PCDHA4: variants seen among roughly 807,000 people sequenced by gnomAD.
PCDHA4 encodes protocadherin alpha-4.
A neutral mutation model predicts 61.4 loss-of-function variants in PCDHA4; 49 were observed. The ratio of observed to expected loss-of-function variants is 0.80; its 90% CI spans 0.63 to 1.01. The LOEUF (loss-of-function observed/expected upper bound fraction) is 1.01. Ranked by LOEUF, PCDHA4 falls within the 50% of genes least tolerant of loss-of-function variation. PCDHA4 has a pLI of 0.00. For synonymous variants in PCDHA4, 590 were observed against 550.3 expected, an observed-to-expected ratio of 1.07 and a Z score of -1.01; for missense variants, 1,254 against 1,235.8, an observed-to-expected ratio of 1.01 and a Z score of -0.22.
At chr5:140,928,800 A>G (rs782641676) in intron 1 of PCDHA4, 6 of 1,614,098 alleles carry the variant, frequency 3.7e-6, no homozygotes, top group Non-Finnish European at 4.2e-6. Flanking sequence ...GGGTGGTGGT[A>G]GTGGTTCGGG....
chr5:140,807,646 A>T lies in PCDHA4; in HGVS notation c.459A>T (p.Pro153=), dbSNP rs1763995507. Residue 153 remains proline, a synonymous_variant, in exon 1 of 4, where the codon CCA becomes CCT. Coordinates refer to ENST00000530339, the MANE Select transcript of PCDHA4 (RefSeq NM_018907.4). ...CCAGGCCGCTTGACTCTCGGTTTCC[A>T]CTAGAGGGCGCCTCGGATGCAGATA... ...AESRPLDSRF[P]LEGASDADIG... is the part of the protein sequence containing the mutation. 6.2e-7 allele frequency: 1 copy of T among 1,614,220 alleles called. No individual in the cohort carries two copies. The highest frequency in any genetic ancestry group is 2.2e-5 in the East Asian group (1 of 44,882).
intron 1 of PCDHA4, among the ~76,000 whole-genome samples, chr5:140,885,230 T>G (rs2060523657): frequency 6.6e-6 from 1 of 152,166 alleles, no homozygotes; most frequent in Non-Finnish European, 1.5e-5. Flanking sequence ...GTGATTCTGC[T>G]TTCAATTTTT....
chr5:140,839,351 T>C (rs1465264211), intron 1 of PCDHA4, among the ~76,000 whole-genome samples: 3 of 147,262 alleles, frequency 2.0e-5, no homozygotes, highest in Non-Finnish European at 4.5e-5. Context: ...GGATCCTCCT[T>C]AGCCACCTAA....
intron 1 of PCDHA4, among the ~76,000 whole-genome samples, chr5:140,893,408 T>C (rs1562871197): frequency 6.6e-6 from 1 of 152,076 alleles, no homozygotes; most frequent in Non-Finnish European, 1.5e-5. Flanking sequence ...ATCCCAGCAC[T>C]TAGGGAGGCA....
chr5:140,876,408 G>C (rs781814727), intron 1 of PCDHA4: 1 of 1,613,942 alleles, frequency 6.2e-7, no homozygotes, highest in South Asian at 1.1e-5. Flanking sequence ...ATTTTGAAGA[G>C]AATAATGCCT....
At chr5:140,935,144 A>G (rs1289868558) in intron 1 of PCDHA4, among the ~76,000 whole-genome samples, 1 of 152,184 alleles carries the variant, frequency 6.6e-6, no homozygotes, top group Admixed American at 6.5e-5. Context: ...TGATACTTAG[A>G]GATATAATCT....
At chr5:140,995,452 G>C (rs1400573812) in intron 3 of PCDHA4, among the ~76,000 whole-genome samples, 1 of 152,098 alleles carries the variant, frequency 6.6e-6, no homozygotes, top group African/African-American at 2.4e-5. Context: ...CTTATGAATT[G>C]TTTATTTTTG....
chr5:140,808,950 G>A lies in PCDHA4; in HGVS notation c.1763G>A (p.Gly588Asp). The A allele has an allele frequency of 2.5e-6, 4 of 1,613,764 alleles. No homozygotes were observed. The highest frequency in any genetic ancestry group is 3.4e-6 in the Non-Finnish European group (4 of 1,179,842). The change falls in exon 1 of 4, where the codon GGC becomes GAC. Residue 588 changes from glycine to aspartate, a missense_variant. Coordinates refer to ENST00000530339, the MANE Select transcript of PCDHA4 (RefSeq NM_018907.4). ...CTGGTGCCATGGTCGGTGGGTGTGG[G>A]CCACGTGGTGGCAAAGGTGCGCGCG... ...SELVPWSVGVGHVVAKVRAVD... is the reference protein window; with the variant it reads ...SELVPWSVGVDHVVAKVRAVD...
chr5:140,971,568 G>C (rs2096486593), intron 1 of PCDHA4, among the ~76,000 whole-genome samples: 1 of 152,074 alleles, frequency 6.6e-6, no homozygotes, highest in African/African-American at 2.4e-5. Flanking sequence ...CCCATGTTGG[G>C]CTTTCTTTTT....
intron 1 of PCDHA4, chr5:140,850,086 C>T (rs2150466254): frequency 1.1e-5 from 17 of 1,596,424 alleles, no homozygotes; most frequent in African/African-American, 2.7e-5. Context: ...GCTGGAGCTG[C>T]TACAGTTCCA....
At chr5:140,933,630 C>T (rs2089281438) in intron 1 of PCDHA4, among the ~76,000 whole-genome samples, 1 of 151,952 alleles carries the variant, frequency 6.6e-6, no homozygotes, top group Admixed American at 6.6e-5. Flanking sequence ...TAGGCTGGCC[C>T]TGTTAAACAA....
intron 1 of PCDHA4, chr5:140,824,267 G>A (rs1768069151): frequency 2.4e-6 from 3 of 1,253,012 alleles, no homozygotes; most frequent in Admixed American, 3.7e-5. Context: ...ACTAATTCAT[G>A]TATTATATGC....
At chr5:140,926,618 G>T in intron 1 of PCDHA4, 1 of 382,578 alleles carries the variant, frequency 2.6e-6, no homozygotes, top group Non-Finnish European at 4.6e-6. Flanking sequence ...TGCACCCCTA[G>T]GCGGCGCTGC....
At chr5:140,862,305 C>T (rs953461441) in intron 1 of PCDHA4, 3 of 278,650 alleles carry the variant, frequency 1.1e-5, no homozygotes, top group Non-Finnish European at 2.1e-5. Flanking sequence ...CCACTGGGTA[C>T]CGTCATAGCC....
intron 1 of PCDHA4, among the ~76,000 whole-genome samples, chr5:140,956,602 G>T (rs541025327): frequency 2.6e-5 from 4 of 152,212 alleles, no homozygotes. Flanking sequence ...GATATCAGCT[G>T]GAAGTTTTCC....
At chr5:140,972,660 A>ATTTTTTTTTTTTTTTTTTTTTTTTTT (rs11350929) in intron 1 of PCDHA4, among the ~76,000 whole-genome samples, 1 of 117,268 alleles carries the variant, frequency 8.5e-6, no homozygotes, top group Non-Finnish European at 1.7e-5. Context: ...AAGAAACCAA[A>ATTTTTTTTTTTTTTTTTTTTTTTTTT]TTTTTTTTTT....
intron 1 of PCDHA4, chr5:140,869,781 T>C (rs781934601): frequency 6.2e-7 from 1 of 1,612,992 alleles, no homozygotes; most frequent in South Asian, 1.1e-5. Context: ...CTGGCACCGT[T>C]CGGCTGTTAG....
intron 3 of PCDHA4, among the ~76,000 whole-genome samples, chr5:140,986,653 A>T (rs61089397): frequency 0.012 from 1,845 of 152,236 alleles, 43 homozygotes; most frequent in African/African-American, 0.043. Context: ...AGAGTGGGAG[A>T]TGCTCACAGT....
At chr5:140,857,986 A>C in intron 1 of PCDHA4, 1 of 1,596,686 alleles carries the variant, frequency 6.3e-7, no homozygotes, top group South Asian at 1.1e-5. Flanking sequence ...GCCAGCGCCT[A>C]CTGGTGCTGG....
Sources: gnomAD v4.1 joint callset for allele counts (sites outside exome capture counted in the v4.1 genomes callset) on GRCh38, gnomAD v4.1.1 for gene constraint, MANE v1.5 for transcripts, NCBI Gene and HGNC (gene_info 2026-07-23, HGNC 2026-07-21) for gene names.